Variants in MATN2 observed in about 807,000 individuals in gnomAD.
The protein encoded by MATN2 is matrilin-2.
MATN2 carries 69 observed loss-of-function variants against 103.2 expected under a neutral mutation model. The observed-to-expected ratio is 0.67, with a 90% CI of 0.55 to 0.82. The LOEUF is 0.82. Ranked by LOEUF, MATN2 falls within the 40% of genes least tolerant of loss-of-function variation. The pLI is 0.00. For synonymous variants in MATN2, 429 were observed against 450.2 expected (o/e 0.95, Z 0.60); for missense variants, 1,023 against 1,211.5 (o/e 0.84, Z 2.31).
intron 5 of MATN2, among the ~76,000 whole-genome samples, chr8:97,965,492 T>G (rs1811450377): frequency 6.6e-6 from 1 of 151,838 alleles, no homozygotes; most frequent in Non-Finnish European, 1.5e-5. Context: ...AGGGAGACAG[T>G]AAGGAATGAA....
chr8:97,925,223 T>C (rs1361480064), intron 2 of MATN2, among the ~76,000 whole-genome samples: 1 of 152,174 alleles, frequency 6.6e-6, no homozygotes, highest in Non-Finnish European at 1.5e-5. Flanking sequence ...CACTCAGTAG[T>C]GTATGAATGG....
Position 98,007,317 on chromosome 8 carries a change from AC to A in MATN2, c.1450+94del. ...CAGAGGGCACAGGTTGTACTTGGGC[AC>A]CCCTCCCCTGCCCCTTGCTCTGCTC... On this transcript the variant is annotated intron_variant, in intron 9 of 18. Transcript: ENST00000254898. The surrounding 1 kb of genome is among the most constrained non-coding windows in gnomAD (Gnocchi z 4.2). The A allele has an allele frequency of 6.3e-7, 1 of 1,581,822 alleles. No homozygotes were observed. The highest frequency in any genetic ancestry group is 8.6e-7 in the Non-Finnish European group (1 of 1,157,190).
chr8:97,998,225 TA>T (rs558691098), intron 7 of MATN2, among the ~76,000 whole-genome samples: 20 of 147,612 alleles, frequency 1.4e-4, no homozygotes, highest in Middle Eastern at 3.5e-3. Context: ...AATCATTCTT[TA>T]AAAAAAAAAT....
intron 2 of MATN2, among the ~76,000 whole-genome samples, chr8:97,930,244 T>G (rs903755042): frequency 6.6e-6 from 1 of 152,234 alleles, no homozygotes; most frequent in Non-Finnish European, 1.5e-5. Flanking sequence ...TATTAGTTAA[T>G]TCTCCCCAGG....
chr8:97,897,955 A>G (rs551945870), intron 2 of MATN2, among the ~76,000 whole-genome samples: 12 of 152,180 alleles, frequency 7.9e-5, no homozygotes, highest in Non-Finnish European at 8.8e-5. Flanking sequence ...TTTCTCCTAC[A>G]GATCCTCTCT....
At position 97,932,189 on chromosome 8, in the gene MATN2, T is replaced by G. The variant is rs10113193; in HGVS notation, c.712+667T>G. 4.3e-3 allele frequency among the ~76,000 whole-genome samples: 651 copies of G among 151,156 alleles called. 4 individuals are homozygous for G. Among genetic ancestry groups the G allele is most frequent in the African/African-American group, 0.015 (622 of 41,130 alleles). On this transcript the variant is annotated intron_variant, in intron 3 of 18. Coordinates refer to ENST00000254898, the MANE Select transcript of MATN2 (RefSeq NM_002380.5). ...AATGAGGAAGAGTAGATAGACAGAG[T>G]TTTTCTTCAGCACATGGAGCTGCCC...
intron 4 of MATN2, among the ~76,000 whole-genome samples, chr8:97,944,487 C>T (rs1810681267): frequency 6.6e-6 from 1 of 152,184 alleles, no homozygotes; most frequent in African/African-American, 2.4e-5. Flanking sequence ...AATTGGTGTA[C>T]CAGGGGCCTT....
intron 3 of MATN2, among the ~76,000 whole-genome samples, chr8:97,936,043 C>G (rs2130162962): frequency 6.6e-6 from 1 of 152,244 alleles, no homozygotes; most frequent in African/African-American, 2.4e-5. Flanking sequence ...ACTTCCCATA[C>G]CAGCCACAGC....
At chr8:97,957,094 A>G (rs1461784315) in intron 4 of MATN2, among the ~76,000 whole-genome samples, 3 of 152,314 alleles carry the variant, frequency 2.0e-5, no homozygotes, top group Non-Finnish European at 4.4e-5. Context: ...AGCCATGTCT[A>G]TAGTGCTGTG....
chr8:97,943,223 G>C (rs1269313615), intron 4 of MATN2, among the ~76,000 whole-genome samples: 3 of 151,974 alleles, frequency 2.0e-5, no homozygotes, highest in African/African-American at 7.3e-5. Flanking sequence ...GATCTCTTTA[G>C]ACACCCCCCT....
At chr8:98,029,398 T>C (rs953944710) in intron 14 of MATN2, among the ~76,000 whole-genome samples, 3 of 152,204 alleles carry the variant, frequency 2.0e-5, no homozygotes, top group Admixed American at 2.0e-4. Flanking sequence ...GAGACTAATC[T>C]ACCTTACCCT....
intron 6 of MATN2, among the ~76,000 whole-genome samples, chr8:97,986,452 C>T (rs1812197286): frequency 6.6e-6 from 1 of 152,142 alleles, no homozygotes; most frequent in African/African-American, 2.4e-5. Context: ...ACCATCCTCC[C>T]ACCCCAAGTC....
chr8:97,895,018 G>A (rs978185404), intron 2 of MATN2, among the ~76,000 whole-genome samples: 10 of 151,966 alleles, frequency 6.6e-5, no homozygotes, highest in Non-Finnish European at 1.2e-4. Context: ...GATTGCAGGC[G>A]CCCGCCACCA....
At chr8:97,878,112 G>GT (rs2129940142) in intron 1 of MATN2, among the ~76,000 whole-genome samples, 1 of 152,254 alleles carries the variant, frequency 6.6e-6, no homozygotes, top group Admixed American at 6.5e-5. Flanking sequence ...GAAAAAAGCA[G>GT]TTTTTTCTAA....
intron 2 of MATN2, among the ~76,000 whole-genome samples, chr8:97,905,647 G>GT (rs147406538): frequency 2.0e-5 from 3 of 151,996 alleles, no homozygotes; most frequent in Non-Finnish European, 4.4e-5. Flanking sequence ...ACTACTGTGG[G>GT]TTTTTTTGTT....
intron 2 of MATN2, among the ~76,000 whole-genome samples, chr8:97,896,194 G>A (rs1251863636): frequency 6.6e-6 from 1 of 152,180 alleles, no homozygotes; most frequent in Admixed American, 6.5e-5. Context: ...ATTCTTATTT[G>A]AATGATTTCA....
intron 12 of MATN2, among the ~76,000 whole-genome samples, chr8:98,019,396 C>T (rs1348925387): frequency 6.6e-6 from 1 of 152,150 alleles, no homozygotes; most frequent in Non-Finnish European, 1.5e-5. Context: ...GCAGAATTCC[C>T]TTTTCCTCTG....
At chr8:97,962,509 C>T (rs576453569) in intron 5 of MATN2, among the ~76,000 whole-genome samples, 25 of 152,100 alleles carry the variant, frequency 1.6e-4, no homozygotes, top group African/African-American at 3.9e-4. Flanking sequence ...ATGAGAGTAT[C>T]GTGGGTTTGT....
At chr8:97,972,140 C>T (rs1010238019) in intron 5 of MATN2, among the ~76,000 whole-genome samples, 3 of 151,364 alleles carry the variant, frequency 2.0e-5, no homozygotes, top group African/African-American at 7.3e-5. Context: ...TGTGCCACCA[C>T]CCCCAGCTAA....
Sources: allele counts gnomAD v4.1 joint callset (sites outside exome capture counted in the v4.1 genomes callset), GRCh38; gene constraint gnomAD v4.1.1; non-coding constraint Gnocchi (gnomAD v3.1); transcripts MANE v1.5; gene names NCBI Gene and HGNC (gene_info 2026-07-23, HGNC 2026-07-21).